CCDC88B: variants seen among roughly 807,000 people sequenced by gnomAD.
The protein encoded by CCDC88B is coiled-coil and HOOK domain protein 88B.
A neutral mutation model predicts 183.7 loss-of-function variants in CCDC88B; 138 were observed. That is an observed-to-expected ratio of 0.75 (90% CI 0.65 to 0.87). CCDC88B has a LOEUF of 0.87. Among genes scored for constraint, CCDC88B ranks in the 40% least tolerant of loss-of-function variants. The probability of loss-of-function intolerance (pLI) is 0.00; values close to 1 mark genes in which losing one functional copy is unlikely to be tolerated. For synonymous variants in CCDC88B, 835 were observed against 867.5 expected (o/e 0.96, Z 0.66); for missense variants, 1,822 against 1,965.6 (o/e 0.93, Z 1.38).
chr11:64,354,111 A>G lies in CCDC88B; in HGVS notation c.4040A>G (p.Glu1347Gly). The change falls in exon 24 of 27, where the codon GAG (glutamate) becomes GGG (glycine). Residue 1347 changes from glutamate (E) to glycine (G), a missense_variant. Glu to Gly is a moderately conservative substitution (Grantham distance 98, BLOSUM62 -2). Transcript: ENST00000356786. Reference protein sequence around the residue: ...RLGADGAGSTESLGGPPETEL... With the variant: ...RLGADGAGSTGSLGGPPETEL... ...GGGGCCGATGGGGCTGGCAGCACCG[A>G]GAGCCTGGGGGGCCCCCCGGAGACG... 7.2e-7 allele frequency: 1 copy of G among 1,383,994 alleles called. No individual in the cohort carries two copies. Among genetic ancestry groups the G allele is most frequent in the Non-Finnish European group, 9.4e-7 (1 of 1,062,414 alleles). 85.7% of individuals were successfully genotyped at this position (1,383,994 alleles called of 1,614,324 possible).
Position 64,343,537 on chromosome 11 carries a change from CA to C in CCDC88B, c.1241del (p.Gln414ArgfsTer29). 3 of 1,551,940 alleles carry C rather than the reference CA, an allele frequency of 1.9e-6. No individual in the cohort carries two copies. Among genetic ancestry groups the C allele is most frequent in the Non-Finnish European group, 1.7e-6 (2 of 1,147,108 alleles). Reference sequence around the variant, plus strand: ...GGACTCTCTGCGGCATCAGGTGGACCAGCTGGCTGAGGAGAATGTGGAGCTG... The same window carrying C: ...GGACTCTCTGCGGCATCAGGTGGACCGCTGGCTGAGGAGAATGTGGAGCTG... ...ELDSLRHQVD[Q>X]LAEENVELEL... On this transcript the variant is annotated frameshift_variant, in exon 12 of 27. Transcript: ENST00000356786. LOFTEE classifies it high-confidence loss of function.
Position 64,343,523 on chromosome 11 carries a change from G to C in CCDC88B, c.1226G>C (p.Arg409Pro). Residue 409 changes from arginine (R) to proline (P), a missense_variant, in exon 12 of 27, where the codon CGG (arginine) becomes CCG (proline). By Grantham distance (103) the Arg-to-Pro change is moderately radical. Coordinates refer to ENST00000356786, the MANE Select transcript of CCDC88B (RefSeq NM_032251.6). ...GEAHAELDSL[R>P]HQVDQLAEEN... Reference sequence around the variant, plus strand: ...CACCCCCAGGAGCTGGACTCTCTGCGGCATCAGGTGGACCAGCTGGCTGAG... The same window carrying C: ...CACCCCCAGGAGCTGGACTCTCTGCCGCATCAGGTGGACCAGCTGGCTGAG... 1 of 1,551,824 alleles carries C rather than the reference G, an allele frequency of 6.4e-7. No homozygotes were observed. The highest frequency in any genetic ancestry group is 8.7e-7 in the Non-Finnish European group (1 of 1,147,030).
At chr11:64,351,389 GC>G (rs1397750339) in intron 17 of CCDC88B, 86 bp from the exon 18 acceptor site, 19 of 1,534,130 alleles carry the variant, frequency 1.2e-5, no homozygotes, top group Admixed American at 2.0e-5. Flanking sequence ...GGGTGGGGGT[GC>G]CCCATGCAGT....
intron 4 of CCDC88B, 41 bp downstream of exon 4, chr11:64,341,219 C>T: frequency 6.2e-7 from 1 of 1,614,062 alleles, no homozygotes. Context: ...TGCCCCCGCA[C>T]TACTCTACCT....
chr11:64,348,459 C>T (rs994527465), intron 14 of CCDC88B, among the ~76,000 whole-genome samples: 4 of 152,138 alleles, frequency 2.6e-5, no homozygotes, highest in African/African-American at 7.2e-5. Flanking sequence ...ATTCACCGTG[C>T]CTCCTACCCC....
chr11:64,345,366 G>C (rs1591284535), intron 14 of CCDC88B, among the ~76,000 whole-genome samples: 3 of 152,132 alleles, frequency 2.0e-5, no homozygotes, highest in Admixed American at 2.0e-4. Context: ...GCTGTGGGAG[G>C]GGGTGGGACT....
Position 64,341,002 on chromosome 11 carries a change from T to A in CCDC88B, c.302T>A (p.Leu101Gln). Reference protein sequence around the residue: ...VWNLNHLWGRLRDFYQEELQL... With the variant: ...VWNLNHLWGRQRDFYQEELQL... Reference sequence around the variant, plus strand: ...AACCTGAACCACCTGTGGGGCCGACTGAGGGACTTCTACCAGGTAAGGGGT... The same window carrying A: ...AACCTGAACCACCTGTGGGGCCGACAGAGGGACTTCTACCAGGTAAGGGGT... The change falls in exon 3 of 27, where the codon CTG becomes CAG. Residue 101 changes from leucine to glutamine, a missense_variant. Leu to Gln is a moderately radical substitution (Grantham distance 113, BLOSUM62 -2). Transcript: ENST00000356786. The A allele has an allele frequency of 6.2e-7, 1 of 1,609,924 alleles. No homozygotes were observed. Among genetic ancestry groups the A allele is most frequent in the South Asian group, 1.1e-5 (1 of 90,586 alleles).
At chr11:64,352,638 G>C (rs2036383134) in intron 19 of CCDC88B, 106 bp from the exon 20 acceptor site, 1 of 1,525,004 alleles carries the variant, frequency 6.6e-7, no homozygotes, top group African/African-American at 1.4e-5. Flanking sequence ...GGGGGACCTA[G>C]GCTTAGGAGG....
chr11:64,342,690 A>T lies in CCDC88B; in HGVS notation c.1062+10A>T, dbSNP rs1291683507. ...CAAGAGTCAGCTGGAGGTGAGGCGG[A>T]GACGGAGCCGCGGGGCGGGGCGTGC... On this transcript the variant is annotated intron_variant, in intron 10 of 26. Transcript: ENST00000356786. The T allele has an allele frequency of 1.4e-6, 2 of 1,470,998 alleles. No homozygotes were observed. Among genetic ancestry groups the T allele is most frequent in the South Asian group, 2.7e-5 (2 of 74,894 alleles). The allele number at this position is 1,470,998 out of a possible 1,614,324, so 91.1% of individuals were successfully genotyped here.
At position 64,341,490 on chromosome 11, in the gene CCDC88B, G is replaced by T. The variant is rs1376200030; in HGVS notation, c.517G>T (p.Ala173Ser). ...LSLEVQSELA[A>S]AIQEVTQPGA... ...TCTCGAGGTCCAGAGCGAGCTGGCCGCTGCCATCCAGGAGGTACTGAGACG... is the reference window on the plus strand; with the variant it reads ...TCTCGAGGTCCAGAGCGAGCTGGCCTCTGCCATCCAGGAGGTACTGAGACG... The change falls in exon 6 of 27, where the codon GCT becomes TCT. Residue 173 changes from alanine to serine, a missense_variant. Ala to Ser is a moderately conservative substitution (Grantham distance 99). Transcript: ENST00000356786. 6.2e-7 allele frequency: 1 copy of T among 1,613,664 alleles called. No individual in the cohort carries two copies.
chr11:64,348,832 T>C, intron 14 of CCDC88B: 1 of 601,602 alleles, frequency 1.7e-6, no homozygotes, highest in Non-Finnish European at 3.0e-6. Flanking sequence ...GTCACCTAGC[T>C]GGCAGCATCC....
rs768034960 is a variant in CCDC88B, at chr11:64,340,964, C to G, written c.264C>G (p.Ala88=). 2.5e-6 allele frequency: 4 copies of G among 1,602,240 alleles called. No homozygotes were observed. The highest frequency in any genetic ancestry group is 3.4e-6 in the Non-Finnish European group (4 of 1,173,484). The change falls in exon 3 of 27, where the codon GCC becomes GCG. Residue 88 remains alanine, a synonymous_variant. Coordinates refer to ENST00000356786, the MANE Select transcript of CCDC88B (RefSeq NM_032251.6). ...TCAGAGGCCTTGACGGACCTGCTGC[C>G]TGGCGAGTGTGGAACCTGAACCACC... The part of the protein sequence containing the change: ...RMLRGLDGPA[A]WRVWNLNHLW...
rs765439653 is a variant in CCDC88B at position 64,351,619 on chromosome 11, G to T, written c.3099+3G>T. 11 of 1,560,456 alleles carry T rather than the reference G, an allele frequency of 7.0e-6. No homozygotes were observed. In the African/African-American group the frequency reaches 1.5e-4, roughly 21 times the overall value. Reference sequence around the variant, plus strand: ...AGGAGCACAGCAGCCGCCTGCAGGTGGGTGGTGGCCCGGGTGCCCATCCCT... The same window carrying T: ...AGGAGCACAGCAGCCGCCTGCAGGTTGGTGGTGGCCCGGGTGCCCATCCCT... On this transcript the variant is annotated splice_donor_region_variant and intron_variant, in intron 18 of 26. Transcript: ENST00000356786.
rs1178744690 is a variant in CCDC88B, at chr11:64,344,584, G to A, written c.2043G>A (p.Glu681=). 6.2e-7 allele frequency: 1 copy of A among 1,609,454 alleles called. No homozygotes were observed. The highest frequency in any genetic ancestry group is 1.1e-5 in the South Asian group (1 of 90,582). The change falls in exon 14 of 27, where the codon GAG becomes GAA. Residue 681 remains glutamate, a synonymous_variant. Transcript: ENST00000356786. This position sits in a 1 kb window ranked among gnomAD's most constrained non-coding sequence, Gnocchi z 4.5. ...CCACGGGACAAGCAGAGGCCAGAGA[G>A]CATGACCAGAGGCTGGAAGGGACGG... ...DLATGQAEAR[E]HDQRLEGTVR... is the part of the protein sequence containing the mutation.
At chr11:64,352,422 AC>A (rs1485958658) in intron 19 of CCDC88B, 36 bp downstream of exon 19, 1 of 1,498,056 alleles carries the variant, frequency 6.7e-7, no homozygotes, top group South Asian at 1.3e-5. Context: ...CTCCCCTGGC[AC>A]CCCCTATCTG....
chr11:64,355,143 C>G, intron 24 of CCDC88B, 51 bp from the exon 25 acceptor site: 1 of 1,300,398 alleles, frequency 7.7e-7, no homozygotes, highest in East Asian at 3.0e-5. Context: ...CTACAGGAGC[C>G]TCAGCTCCCG....
At position 64,349,781 on chromosome 11, in the gene CCDC88B, A is replaced by G. The variant is rs2036260468; in HGVS notation, c.2862+113A>G. ...CTTGCCTCTGGATTCTTGGCTAGCT[A>G]CTTGCCTCACTCCCCATGTGGGGCC... On this transcript the variant is annotated intron_variant, in intron 16 of 26. Transcript: ENST00000356786. 5.0e-6 allele frequency: 5 copies of G among 1,008,568 alleles called. No homozygotes were observed. The Admixed American group carries it at 1.1e-4, about 21-fold the overall frequency. 62.5% of individuals were successfully genotyped at this position (1,008,568 alleles called of 1,614,324 possible).
Position 64,341,253 on chromosome 11 carries a change from T to A in CCDC88B, c.389-17T>A, listed in dbSNP as rs1290187537. 1 of 1,614,112 alleles carries A rather than the reference T, an allele frequency of 6.2e-7. No homozygotes were observed. Among genetic ancestry groups the A allele is most frequent in the Non-Finnish European group, 8.5e-7 (1 of 1,180,000 alleles). On this transcript the variant is annotated splice_polypyrimidine_tract_variant and intron_variant, in intron 4 of 26. Transcript: ENST00000356786. ...CTTCCCCGCCCCAGTTAACCCCTTG[T>A]GGCATGTGCCTTGCAGAAGAAGCGG... is the stretch of plus-strand genomic sequence containing the variant.
At chr11:64,340,478 G>A (rs2035788184) in intron 1 of CCDC88B, 129 bp from the exon 2 acceptor site, 2 of 1,435,324 alleles carry the variant, frequency 1.4e-6, no homozygotes, top group Non-Finnish European at 1.9e-6. Flanking sequence ...GTGGGGGGCT[G>A]TGGTGAGGGA....
Sources: allele counts gnomAD v4.1 joint callset (sites outside exome capture counted in the v4.1 genomes callset), GRCh38; gene constraint gnomAD v4.1.1; non-coding constraint Gnocchi (gnomAD v3.1); transcripts MANE v1.5; gene names NCBI Gene and HGNC (gene_info 2026-07-23, HGNC 2026-07-21).